The following SH3GL2 variants were observed in gnomAD, a reference collection of about 807,000 sequenced individuals.
SH3GL2 encodes endophilin-A1.
A neutral mutation model predicts 46.0 loss-of-function variants in SH3GL2; 24 were observed. That is an observed-to-expected ratio of 0.52 (90% CI 0.38 to 0.73). The LOEUF (loss-of-function observed/expected upper bound fraction) is 0.73, where lower values mean the gene tolerates loss of function less well. Among genes scored for constraint, SH3GL2 ranks in the 30% least tolerant of loss-of-function variants. SH3GL2 has a pLI of 0.00. For synonymous variants in SH3GL2, 196 were observed against 147.1 expected, an observed-to-expected ratio of 1.33 and a Z score of -2.40; for missense variants, 413 against 424.2, an observed-to-expected ratio of 0.97 and a Z score of 0.23.
At position 17,705,909 on chromosome 9, in the gene SH3GL2, A is replaced by G. The variant is rs1282858640; in HGVS notation, c.46-41157A>G. Among the ~76,000 whole-genome samples the G allele has an allele frequency of 3.9e-5, 6 of 152,022 alleles. No homozygotes were observed. The East Asian group carries it at 1.2e-3, about 29-fold the overall frequency. On this transcript the variant is annotated intron_variant, in intron 1 of 8. Transcript: ENST00000380607. Reference sequence around the variant, plus strand: ...AATGCTCATGACATGCAATTTACCCATGTAACAAACCTGCATGTGTACCCC... The same window carrying G: ...AATGCTCATGACATGCAATTTACCCGTGTAACAAACCTGCATGTGTACCCC...
intron 5 of SH3GL2, among the ~76,000 whole-genome samples, chr9:17,788,932 AAAGC>A (rs1277605457): frequency 2.0e-5 from 3 of 152,230 alleles, no homozygotes; most frequent in Non-Finnish European, 2.9e-5. Context: ...GATGATTTGA[AAAGC>A]AAGACTGCCA....
chr9:17,756,463 T>C (rs1822991184), intron 2 of SH3GL2, among the ~76,000 whole-genome samples: 1 of 146,546 alleles, frequency 6.8e-6, no homozygotes, highest in Non-Finnish European at 1.5e-5. Flanking sequence ...CTCCTAATGC[T>C]ATCCCTCCCC....
At chr9:17,605,153 A>T (rs899410974) in intron 1 of SH3GL2, among the ~76,000 whole-genome samples, 2 of 151,744 alleles carry the variant, frequency 1.3e-5, no homozygotes, top group East Asian at 1.9e-4. Flanking sequence ...TTTTAGAAAA[A>T]TTTTTTGTAG....
intron 3 of SH3GL2, among the ~76,000 whole-genome samples, chr9:17,773,950 T>TG (rs1823567296): frequency 6.6e-6 from 1 of 152,306 alleles, no homozygotes; most frequent in African/African-American, 2.4e-5. Context: ...TTTCCATTTA[T>TG]ATATGTCTTT....
intron 3 of SH3GL2, among the ~76,000 whole-genome samples, chr9:17,779,561 A>G (rs555387151): frequency 1.4e-4 from 22 of 152,238 alleles, no homozygotes; most frequent in South Asian, 4.2e-4. Flanking sequence ...AGTTGTGAAG[A>G]TTAAGGTAAA....
chr9:17,787,124 C>T (rs528984741), intron 4 of SH3GL2, among the ~76,000 whole-genome samples: 3 of 152,138 alleles, frequency 2.0e-5, no homozygotes, highest in Non-Finnish European at 2.9e-5. Flanking sequence ...CTGGTACTTA[C>T]AAGAGAGGGC....
intron 1 of SH3GL2, among the ~76,000 whole-genome samples, chr9:17,646,403 G>A (rs543860752): frequency 1.3e-5 from 2 of 152,026 alleles, no homozygotes; most frequent in Non-Finnish European, 2.9e-5. Flanking sequence ...TCTCTGTCCA[G>A]TTTTGCTCCT....
chr9:17,753,166 C>T (rs1822896488), intron 2 of SH3GL2, among the ~76,000 whole-genome samples: 1 of 152,160 alleles, frequency 6.6e-6, no homozygotes, highest in Non-Finnish European at 1.5e-5. Context: ...CTGCAGTGAA[C>T]ACATGTGTGC....
chr9:17,775,896 C>T (rs1281656376), intron 3 of SH3GL2, among the ~76,000 whole-genome samples: 1 of 152,172 alleles, frequency 6.6e-6, no homozygotes, highest in Non-Finnish European at 1.5e-5. Context: ...GGATTCTCTT[C>T]TTCCCTGTTG....
intron 1 of SH3GL2, among the ~76,000 whole-genome samples, chr9:17,664,734 G>A (rs1341654054): frequency 6.6e-6 from 1 of 151,158 alleles, no homozygotes; most frequent in Non-Finnish European, 1.5e-5. Context: ...AAATTCAAAA[G>A]TACATTTTGG....
intron 1 of SH3GL2, among the ~76,000 whole-genome samples, chr9:17,687,069 G>A (rs2118095098): frequency 6.6e-6 from 1 of 152,138 alleles, no homozygotes; most frequent in Middle Eastern, 3.4e-3. Context: ...GACTGAAGAT[G>A]CACATTAAAT....
intron 1 of SH3GL2, among the ~76,000 whole-genome samples, chr9:17,632,021 T>C (rs1819437774): frequency 1.3e-5 from 2 of 152,174 alleles, no homozygotes; most frequent in Non-Finnish European, 1.5e-5. Flanking sequence ...TTCAGGGTTA[T>C]TTCTGGAAAG....
At chr9:17,725,914 C>T (rs935450709) in intron 1 of SH3GL2, among the ~76,000 whole-genome samples, 2 of 152,102 alleles carry the variant, frequency 1.3e-5, no homozygotes, top group African/African-American at 4.8e-5. Context: ...TGGGAACCCC[C>T]GTGTTCTTGG....
intron 1 of SH3GL2, among the ~76,000 whole-genome samples, chr9:17,734,845 T>C (rs1302703866): frequency 6.6e-6 from 1 of 152,044 alleles, no homozygotes; most frequent in Non-Finnish European, 1.5e-5. Flanking sequence ...AAAAATTCTT[T>C]TTGGTATGAT....
intron 1 of SH3GL2, among the ~76,000 whole-genome samples, chr9:17,656,186 C>A (rs1426434025): frequency 2.6e-5 from 4 of 152,072 alleles, no homozygotes; most frequent in African/African-American, 9.7e-5. Context: ...AATATTGTAT[C>A]ATTTATCATT....
Position 17,754,162 on chromosome 9 carries a change from G to T in SH3GL2, c.114+7028G>T, listed in dbSNP as rs143760057. 1.1e-3 allele frequency among the ~76,000 whole-genome samples: 166 copies of T among 152,182 alleles called. 1 individual carries two copies. In the East Asian group the frequency reaches 0.03, roughly 27 times the overall value. ...GCATAGGATTGCCTTGGCTATTCAG[G>T]CTCTTTTCTGTTTCCATATGAATTT... On this transcript the variant is annotated intron_variant, in intron 2 of 8. Transcript: ENST00000380607.
intron 1 of SH3GL2, among the ~76,000 whole-genome samples, chr9:17,607,969 A>G (rs560962195): frequency 9.3e-4 from 141 of 152,220 alleles, no homozygotes; most frequent in African/African-American, 3.2e-3. Flanking sequence ...CAATTATATG[A>G]AATGTTTATT....
intron 1 of SH3GL2, among the ~76,000 whole-genome samples, chr9:17,728,613 C>T (rs536691251): frequency 1.3e-5 from 2 of 151,906 alleles, no homozygotes; most frequent in African/African-American, 2.4e-5. Flanking sequence ...TCTCCTAATG[C>T]TATCCCTCCC....
intron 3 of SH3GL2, among the ~76,000 whole-genome samples, chr9:17,774,194 T>G (rs1365786146): frequency 1.3e-5 from 2 of 152,162 alleles, no homozygotes; most frequent in African/African-American, 4.8e-5. Flanking sequence ...GACAGCTTTT[T>G]GTGGGAAATC....
Sources: gnomAD v4.1 joint callset for allele counts (sites outside exome capture counted in the v4.1 genomes callset) on GRCh38, gnomAD v4.1.1 for gene constraint, MANE v1.5 for transcripts, NCBI Gene and HGNC (gene_info 2026-07-23, HGNC 2026-07-21) for gene names.